ASAP2: variants seen among roughly 807,000 people sequenced by gnomAD.
ASAP2 encodes arf-GAP with SH3 domain, ANK repeat and PH domain-containing protein 2.
Under a neutral mutation model 131.4 loss-of-function variants are expected in ASAP2, and 45 were observed. The observed-to-expected ratio is 0.34, with a 90% CI of 0.27 to 0.44. The LOEUF (loss-of-function observed/expected upper bound fraction) is 0.44. ASAP2 is among the 20% of genes least tolerant of loss of function. The pLI is 1.00. For missense variants in ASAP2, 1,011 were observed against 1,297.0 expected, an observed-to-expected ratio of 0.78 and a Z score of 3.39; for synonymous variants, 510 against 503.0, an observed-to-expected ratio of 1.01 and a Z score of -0.19.
intron 2 of ASAP2, among the ~76,000 whole-genome samples, chr2:9,292,596 G>C (rs978385958): frequency 1.3e-5 from 2 of 152,128 alleles, no homozygotes; most frequent in Non-Finnish European, 2.9e-5. Flanking sequence ...TATTCCCCTG[G>C]GGCTAATGCC....
At chr2:9,220,763 C>A (rs1357359193) in intron 1 of ASAP2, among the ~76,000 whole-genome samples, 1 of 152,152 alleles carries the variant, frequency 6.6e-6, no homozygotes, top group Non-Finnish European at 1.5e-5. Flanking sequence ...AAGATTTACA[C>A]CTATATTCTG....
chr2:9,399,342 T>C (rs533265354), intron 24 of ASAP2: 1 of 152,560 alleles, frequency 6.6e-6, no homozygotes, highest in Non-Finnish European at 1.5e-5. Context: ...CTGGCACTGG[T>C]CCTTAGCTCT....
At chr2:9,262,267 A>T (rs1024792953) in intron 1 of ASAP2, among the ~76,000 whole-genome samples, 1 of 152,262 alleles carries the variant, frequency 6.6e-6, no homozygotes, top group African/African-American at 2.4e-5. Flanking sequence ...TCTAAACATT[A>T]TCAGACCTGA....
chr2:9,357,168 G>A (rs1672763761), intron 14 of ASAP2, among the ~76,000 whole-genome samples: 1 of 147,468 alleles, frequency 6.8e-6, no homozygotes, highest in African/African-American at 2.6e-5. Flanking sequence ...ATTTGGCCTT[G>A]GATCCATTAA....
At chr2:9,385,972 C>T (rs1330545847) in intron 21 of ASAP2, among the ~76,000 whole-genome samples, 3 of 152,204 alleles carry the variant, frequency 2.0e-5, no homozygotes, top group South Asian at 2.1e-4. Context: ...GCTGCCTTCA[C>T]GCAGGACTTG....
At chr2:9,400,127 T>A (rs1346117380) in intron 25 of ASAP2, 55 bp downstream of exon 25, 1 of 1,504,120 alleles carries the variant, frequency 6.6e-7, no homozygotes, top group Non-Finnish European at 9.0e-7. Flanking sequence ...GGGGGCAATG[T>A]GGGGGATGTT....
At chr2:9,401,690 C>T (rs889031650) in intron 27 of ASAP2, among the ~76,000 whole-genome samples, 3 of 152,232 alleles carry the variant, frequency 2.0e-5, no homozygotes, top group African/African-American at 7.2e-5. Context: ...GTTTCTAGGT[C>T]ATCACCCCCC....
intron 11 of ASAP2, among the ~76,000 whole-genome samples, chr2:9,349,310 G>A (rs6431997): frequency 0.98 from 149,476 of 152,316 alleles, 73,427 homozygotes; most frequent in Middle Eastern, 1. Context: ...AAATTTGCAC[G>A]TGTACAGTTG....
At position 9,327,909 on chromosome 2, in the gene ASAP2, C is replaced by T; in HGVS notation, c.684C>T (p.Cys228=). ...TGATCAAATACTTTCATGCCCAATG[C>T]AAGTAAGTTCTTCTCTGTTATGTTA... ...QNLIKYFHAQ[C]NFFQDGLKAV... The change falls in exon 7 of 28, where the codon TGC becomes TGT. Residue 228 remains cysteine, a splice_region_variant and synonymous_variant. Coordinates refer to ENST00000281419, the MANE Select transcript of ASAP2 (RefSeq NM_003887.3). 6.4e-7 allele frequency: 1 copy of T among 1,567,330 alleles called. No individual in the cohort carries two copies. The highest frequency in any genetic ancestry group is 8.6e-7 in the Non-Finnish European group (1 of 1,162,548).
intron 22 of ASAP2, among the ~76,000 whole-genome samples, chr2:9,390,301 C>T (rs2715862): frequency 0.019 from 2,911 of 152,304 alleles, 108 homozygotes; most frequent in African/African-American, 0.065. Flanking sequence ...GCATTTGGGG[C>T]GGACCTGGCT....
rs1019323371 is a variant in ASAP2 at position 9,341,003 on chromosome 2, G to A, written c.850-3529G>A. 4.6e-5 allele frequency among the ~76,000 whole-genome samples: 7 copies of A among 152,280 alleles called. No individual in the cohort carries two copies. The East Asian group carries it at 5.8e-4, about 13-fold the overall frequency. ...TCAGGCACACAAACAGTCCCTGCAC[G>A]TTGAGGCTTTGTCAGTCGAGTTTAG... On this transcript the variant is annotated intron_variant, in intron 9 of 27. Coordinates refer to ENST00000281419, the MANE Select transcript of ASAP2 (RefSeq NM_003887.3).
chr2:9,342,841 G>T (rs1359417136), intron 9 of ASAP2, among the ~76,000 whole-genome samples: 2 of 152,184 alleles, frequency 1.3e-5, no homozygotes, highest in Non-Finnish European at 2.9e-5. Context: ...CCACGTGACC[G>T]TGACCTCCCT....
intron 1 of ASAP2, among the ~76,000 whole-genome samples, chr2:9,214,252 G>A (rs952140807): frequency 5.9e-5 from 9 of 151,556 alleles, no homozygotes; most frequent in African/African-American, 2.2e-4. Context: ...TTTTTATTTT[G>A]TTTGAGGTGG....
intron 7 of ASAP2, among the ~76,000 whole-genome samples, chr2:9,332,209 A>T (rs934182821): frequency 2.6e-5 from 4 of 152,170 alleles, no homozygotes; most frequent in African/African-American, 9.7e-5. Context: ...TGAAGCTTGG[A>T]AAAGTGTTAA....
At chr2:9,361,104 T>G (rs975125527) in intron 15 of ASAP2, among the ~76,000 whole-genome samples, 2 of 152,234 alleles carry the variant, frequency 1.3e-5, no homozygotes, top group Non-Finnish European at 2.9e-5. Flanking sequence ...TCCATCTGCA[T>G]TCTTGTAGGA....
At chr2:9,224,399 A>G (rs1020253039) in intron 1 of ASAP2, among the ~76,000 whole-genome samples, 7 of 152,238 alleles carry the variant, frequency 4.6e-5, no homozygotes, top group Non-Finnish European at 1.0e-4. Flanking sequence ...GATGCCTAGC[A>G]TACATAATTC....
intron 2 of ASAP2, among the ~76,000 whole-genome samples, chr2:9,287,677 C>T (rs116317068): frequency 0.017 from 2,616 of 152,270 alleles, 36 homozygotes; most frequent in Non-Finnish European, 0.027. Context: ...AGCGGGTGGA[C>T]GGCCTCTGTC....
intron 1 of ASAP2, among the ~76,000 whole-genome samples, chr2:9,240,139 G>T (rs1459464872): frequency 6.6e-6 from 1 of 151,922 alleles, no homozygotes; most frequent in Admixed American, 6.6e-5. Flanking sequence ...TTATCCCTGG[G>T]GGGTATGTTC....
At chr2:9,385,776 A>G (rs1340324717) in intron 21 of ASAP2, among the ~76,000 whole-genome samples, 3 of 152,222 alleles carry the variant, frequency 2.0e-5, no homozygotes, top group African/African-American at 7.2e-5. Flanking sequence ...TTTAGAGCTC[A>G]CTGGGTCCAA....
Sources: gnomAD v4.1 joint callset for allele counts (sites outside exome capture counted in the v4.1 genomes callset) on GRCh38, gnomAD v4.1.1 for gene constraint, MANE v1.5 for transcripts, NCBI Gene and HGNC (gene_info 2026-07-23, HGNC 2026-07-21) for gene names.